UMAD1: variants seen among roughly 807,000 people sequenced by gnomAD.
The protein encoded by UMAD1 is UBAP1-MVB12-associated (UMA)-domain containing protein 1.
A neutral mutation model predicts 6.1 loss-of-function variants in UMAD1; 8 were observed. The ratio of observed to expected loss-of-function variants is 1.30; its 90% CI spans 0.76 to 2.35. The LOEUF is 2.35. UMAD1 is among the 30% of genes most tolerant of loss of function. The pLI is 0.00. For missense variants in UMAD1, 130 were observed against 78.4 expected, an observed-to-expected ratio of 1.66 and a Z score of -2.49; for synonymous variants, 56 against 31.4, an observed-to-expected ratio of 1.78 and a Z score of -2.61.
At chr7:7,783,200 T>A (rs1782386127) in intron 2 of UMAD1, among the ~76,000 whole-genome samples, 1 of 152,218 alleles carries the variant, frequency 6.6e-6, no homozygotes, top group African/African-American at 2.4e-5. Context: ...CTTGTCTAAG[T>A]TTGTAAAATG....
intron 3 of UMAD1, among the ~76,000 whole-genome samples, chr7:7,846,842 T>A (rs1450224252): frequency 7.6e-6 from 1 of 132,412 alleles, no homozygotes; most frequent in Non-Finnish European, 1.5e-5. Flanking sequence ...CACTCATAGG[T>A]GGGAATTGAA....
chr7:7,653,424 C>T (rs1171577658), intron 1 of UMAD1, among the ~76,000 whole-genome samples: 1 of 152,178 alleles, frequency 6.6e-6, no homozygotes, highest in African/African-American at 2.4e-5. Context: ...GTAATCTTAT[C>T]TTCTAAACCT....
chr7:7,767,636 C>T (rs551208832), intron 2 of UMAD1, among the ~76,000 whole-genome samples: 6 of 152,192 alleles, frequency 3.9e-5, no homozygotes, highest in African/African-American at 7.2e-5. Flanking sequence ...CAACAATAAC[C>T]GTTACCACTC....
chr7:7,829,322 A>T (rs1033831556), intron 3 of UMAD1, among the ~76,000 whole-genome samples: 2 of 152,192 alleles, frequency 1.3e-5, no homozygotes, highest in South Asian at 2.1e-4. Context: ...AACTCTCTAC[A>T]AGTTTGGGGA....
At chr7:7,653,577 A>G (rs1056040120) in intron 1 of UMAD1, among the ~76,000 whole-genome samples, 47 of 152,336 alleles carry the variant, frequency 3.1e-4, no homozygotes, top group Admixed American at 1.2e-3. Flanking sequence ...ATACCCATTC[A>G]CAGAGGAGTT....
At chr7:7,702,965 G>A (rs1310244273) in intron 2 of UMAD1, among the ~76,000 whole-genome samples, 1 of 152,152 alleles carries the variant, frequency 6.6e-6, no homozygotes, top group Non-Finnish European at 1.5e-5. Context: ...TCCTGTTGTC[G>A]TGTAAACTTA....
intron 2 of UMAD1, among the ~76,000 whole-genome samples, chr7:7,727,967 T>TTATATATA (rs145454946): frequency 6.6e-6 from 1 of 151,776 alleles, no homozygotes. Context: ...AATAAACTCT[T>TTATATATA]TATATATATA....
chr7:7,739,378 G>A (rs17137036), intron 2 of UMAD1, among the ~76,000 whole-genome samples: 31,098 of 151,898 alleles, frequency 0.2, 3,599 homozygotes, highest in African/African-American at 0.32. Flanking sequence ...ATTTTTCTTC[G>A]TTACTAACAC....
At chr7:7,652,614 C>T (rs1471048805) in intron 1 of UMAD1, among the ~76,000 whole-genome samples, 1 of 152,174 alleles carries the variant, frequency 6.6e-6, no homozygotes, top group Non-Finnish European at 1.5e-5. Context: ...GATAAAGAGG[C>T]AGGAAGTAGA....
chr7:7,759,941 T>A (rs1321865605), intron 2 of UMAD1, among the ~76,000 whole-genome samples: 1 of 152,086 alleles, frequency 6.6e-6, no homozygotes, highest in Non-Finnish European at 1.5e-5. Flanking sequence ...ACTCTCCCAT[T>A]GAAAAGTTGT....
intron 3 of UMAD1, among the ~76,000 whole-genome samples, chr7:7,850,131 G>C (rs1783883256): frequency 6.6e-6 from 1 of 151,986 alleles, no homozygotes; most frequent in Non-Finnish European, 1.5e-5. Flanking sequence ...ATAAATCCTA[G>C]AGCAATTATT....
At chr7:7,696,800 C>T (rs1462164376) in intron 2 of UMAD1, among the ~76,000 whole-genome samples, 2 of 152,168 alleles carry the variant, frequency 1.3e-5, no homozygotes, top group African/African-American at 4.8e-5. Flanking sequence ...CCTGTGAAAC[C>T]ACACTAACAT....
At chr7:7,696,714 T>C (rs1780327651) in intron 2 of UMAD1, among the ~76,000 whole-genome samples, 3 of 152,200 alleles carry the variant, frequency 2.0e-5, no homozygotes, top group Admixed American at 1.3e-4. Context: ...CCTCTAGAAC[T>C]GCTCAAAGTC....
In UMAD1 at chr7:7,877,303, G is replaced by T. The variant is rs749662057; in HGVS notation, c.179G>T (p.Ser60Ile). The T allele has an allele frequency of 9.1e-5, 65 of 716,450 alleles. No individual in the cohort carries two copies. The highest frequency in any genetic ancestry group is 1.4e-4 in the Non-Finnish European group (55 of 384,296). The allele number at this position is 716,450 out of a possible 1,614,324, so 44.4% of individuals were successfully genotyped here. The part of the protein sequence containing the change: ...PLETNKENSS[S>I]VTVSDPEMEN... ...TAGACCAACAAAGAAAATTCATCCA[G>T]TGTGACTGTATCAGACCCTGAGATG... is the stretch of plus-strand genomic sequence containing the variant. The change falls in exon 4 of 4, where the codon AGT (serine) becomes ATT (isoleucine). Residue 60 changes from serine (S) to isoleucine (I), a missense_variant. Physicochemically the swap from Ser to Ile is moderately radical, Grantham distance 142 (BLOSUM62 -2). Transcript: ENST00000682710.
At chr7:7,685,314 CTTT>C (rs34968724) in intron 2 of UMAD1, among the ~76,000 whole-genome samples, 1 of 143,740 alleles carries the variant, frequency 7.0e-6, no homozygotes, top group Non-Finnish European at 1.5e-5. Flanking sequence ...ACACATTGAT[CTTT>C]TTTTTTTTTT....
chr7:7,654,534 A>G (rs1470948642), intron 1 of UMAD1, among the ~76,000 whole-genome samples: 1 of 152,214 alleles, frequency 6.6e-6, no homozygotes, highest in East Asian at 1.9e-4. Context: ...GTATTTGTAT[A>G]TAGCCTTTGT....
chr7:7,727,767 C>T (rs901615744), intron 2 of UMAD1, among the ~76,000 whole-genome samples: 1 of 152,190 alleles, frequency 6.6e-6, no homozygotes, highest in Admixed American at 6.5e-5. Flanking sequence ...TGTCCTCAAA[C>T]ATCAGACTTC....
intron 3 of UMAD1, among the ~76,000 whole-genome samples, chr7:7,843,322 C>T (rs562281645): frequency 5.3e-5 from 8 of 152,234 alleles, no homozygotes; most frequent in South Asian, 4.1e-4. Context: ...ATCAGTTGCT[C>T]ATTGGGTGGT....
chr7:7,784,564 C>G (rs1759336324), intron 2 of UMAD1, among the ~76,000 whole-genome samples: 1 of 150,186 alleles, frequency 6.7e-6, no homozygotes, highest in Admixed American at 6.7e-5. Context: ...CCAGGATGGT[C>G]TCGATCTTCT....
Sources: allele counts gnomAD v4.1 joint callset (sites outside exome capture counted in the v4.1 genomes callset), GRCh38; gene constraint gnomAD v4.1.1; transcripts MANE v1.5; gene names NCBI Gene and HGNC (gene_info 2026-07-23, HGNC 2026-07-21).